Variants in FAM124B observed in about 807,000 individuals in gnomAD.
FAM124B encodes family with sequence similarity 124 member B, also known as protein FAM124B.
FAM124B carries 18 observed loss-of-function variants against 19.7 expected under a neutral mutation model. The ratio of observed to expected loss-of-function variants is 0.92; its 90% CI spans 0.63 to 1.36. The LOEUF (loss-of-function observed/expected upper bound fraction) is 1.36. Among genes scored for constraint, FAM124B ranks in the 40% most tolerant of loss-of-function variants. The pLI is 0.00. For synonymous variants in FAM124B, 223 were observed against 225.2 expected (o/e 0.99, Z 0.09); for missense variants, 540 against 553.3 (o/e 0.98, Z 0.24).
chr2:224,395,067 A>G (rs1383962043), intron 1 of FAM124B, among the ~76,000 whole-genome samples: 1 of 152,168 alleles, frequency 6.6e-6, no homozygotes, highest in Non-Finnish European at 1.5e-5. Flanking sequence ...TAATTTATAA[A>G]GTTTGCCTAC....
Position 224,400,929 on chromosome 2 carries a change from G to A in FAM124B, c.732+108C>T, listed in dbSNP as rs564898342. 1.5e-5 allele frequency: 21 copies of A among 1,393,260 alleles called. No homozygotes were observed. In the South Asian group the frequency reaches 2.9e-4, roughly 19 times the overall value. 86.3% of individuals were successfully genotyped at this position (1,393,260 alleles called of 1,614,324 possible). A position where few individuals can be genotyped will look rare whatever the true frequency, so the allele number is the denominator to read the frequency against. Reference sequence around the variant, plus strand: ...GTGGGAATTTATGAAAGACCCTAAGGGACGCTAATATGCAACCAAGTCTGA... The same window carrying A: ...GTGGGAATTTATGAAAGACCCTAAGAGACGCTAATATGCAACCAAGTCTGA... On this transcript the variant is annotated intron_variant, in intron 1 of 1. Transcript: ENST00000409685.
At position 224,401,846 on chromosome 2, in the gene FAM124B, C is replaced by T. The variant is rs1041365009; in HGVS notation, c.-78G>A. On this transcript the variant is annotated 5_prime_UTR_variant, in exon 1 of 2. Transcript: ENST00000409685. ...CAAGTTTCTGAAATGAATGAAGAAGCGGCCCAGCCTTCAGCCCGCCTGAAA... is the reference window on the plus strand; with the variant it reads ...CAAGTTTCTGAAATGAATGAAGAAGTGGCCCAGCCTTCAGCCCGCCTGAAA... The T allele has an allele frequency of 2.7e-5, 40 of 1,506,944 alleles. No homozygotes were observed. In the East Asian group the frequency reaches 3.4e-4, roughly 13 times the overall value. 93.3% of individuals were successfully genotyped at this position (1,506,944 alleles called of 1,614,324 possible). A position where few individuals can be genotyped will look rare whatever the true frequency, so the allele number is the denominator to read the frequency against.
chr2:224,399,486 G>A (rs772025400), intron 1 of FAM124B: 2 of 152,186 alleles, frequency 1.3e-5, no homozygotes, highest in Non-Finnish European at 1.5e-5. Flanking sequence ...ATCTCATCTT[G>A]TAGTCTCTTA....
At chr2:224,388,555 C>G (rs1324172525) in intron 1 of FAM124B, among the ~76,000 whole-genome samples, 6 of 151,928 alleles carry the variant, frequency 3.9e-5, no homozygotes, top group Admixed American at 3.3e-4. Context: ...ATCGAGGTTA[C>G]CAAGGGCAGG....
chr2:224,385,622 C>A (rs972798312), intron 1 of FAM124B, among the ~76,000 whole-genome samples: 4 of 152,194 alleles, frequency 2.6e-5, no homozygotes, highest in African/African-American at 4.8e-5. Context: ...TATCCAACTG[C>A]CTTCTAGCCA....
At chr2:224,383,551 A>G (rs1030037167) in intron 1 of FAM124B, among the ~76,000 whole-genome samples, 2 of 152,102 alleles carry the variant, frequency 1.3e-5, no homozygotes, top group Non-Finnish European at 2.9e-5. Context: ...TAAAAGTAGT[A>G]ATTTATCACC....
At chr2:224,399,687 C>T (rs1690031578) in intron 1 of FAM124B, 1 of 152,024 alleles carries the variant, frequency 6.6e-6, no homozygotes, top group Non-Finnish European at 1.5e-5. Context: ...ATAACTGACC[C>T]CCTGGAAAGC....
At chr2:224,390,935 C>T (rs1425376093) in intron 1 of FAM124B, among the ~76,000 whole-genome samples, 1 of 151,304 alleles carries the variant, frequency 6.6e-6, no homozygotes, top group Non-Finnish European at 1.5e-5. Flanking sequence ...GATCTCCTGA[C>T]CTCGTGATCC....
intron 1 of FAM124B, 129 bp downstream of exon 1, chr2:224,400,908 G>C: frequency 2.0e-5 from 25 of 1,256,714 alleles, no homozygotes; most frequent in Non-Finnish European, 2.5e-5. Flanking sequence ...CCTGGGGTGG[G>C]AATTTATGAA....
chr2:224,386,832 C>T (rs1329485435), intron 1 of FAM124B, among the ~76,000 whole-genome samples: 1 of 152,304 alleles, frequency 6.6e-6, no homozygotes, highest in East Asian at 1.9e-4. Context: ...AATTTTTGCA[C>T]ATAGAAATGA....
At chr2:224,387,484 G>A (rs1211428214) in intron 1 of FAM124B, among the ~76,000 whole-genome samples, 12 of 152,140 alleles carry the variant, frequency 7.9e-5, no homozygotes, top group Non-Finnish European at 1.5e-5. Context: ...AAACAATTTA[G>A]GTAAATAATA....
Position 224,401,191 on chromosome 2 carries a change from G to C in FAM124B, c.578C>G (p.Pro193Arg). The C allele has an allele frequency of 1.2e-6, 2 of 1,614,116 alleles. No individual in the cohort carries two copies. Among genetic ancestry groups the C allele is most frequent in the Non-Finnish European group, 1.7e-6 (2 of 1,180,024 alleles). The change falls in exon 1 of 2, where the codon CCG becomes CGG. Residue 193 changes from proline (P) to arginine (R), a missense_variant. Physicochemically the swap from Pro to Arg is moderately radical, Grantham distance 103. Coordinates refer to ENST00000409685, the MANE Select transcript of FAM124B (RefSeq NM_001122779.2). ...CTCTTTGGGGTCCACTGACATTCCC[G>C]GGGGCAGCTGCTTCAGGGAGAGCTG... ...ALQLSLKQLP[P>R]GMSVDPKESS...
rs375567669 is a variant in FAM124B at position 224,380,308 on chromosome 2, T to G, written c.733-100A>C. ...TTCACCCTCTGCCATGCCATGCCCA[T>G]AGCAGACTTTCAGTAAATTTGGTTG... On this transcript the variant is annotated intron_variant, in intron 1 of 1. Coordinates refer to ENST00000409685, the MANE Select transcript of FAM124B (RefSeq NM_001122779.2). 1.0e-5 allele frequency: 11 copies of G among 1,066,082 alleles called. No homozygotes were observed. The African/African-American group carries it at 1.1e-4, about 11-fold the overall frequency. The allele number at this position is 1,066,082 out of a possible 1,614,324, so 66.0% of individuals were successfully genotyped here.
Position 224,379,955 on chromosome 2 carries a change from C to T in FAM124B, c.986G>A (p.Gly329Asp), listed in dbSNP as rs528576770. ...ATGAGAAGACAGGTGCAGGTGGGCA[C>T]CCATAGCTGGGCTGCTGACCTGGAA... ...RSFQVSSPAMGAHLHLSSHHL... is the reference protein window; with the variant it reads ...RSFQVSSPAMDAHLHLSSHHL... Residue 329 changes from glycine to aspartate, a missense_variant, in exon 2 of 2, where the codon GGT becomes GAT. Physicochemically the swap from Gly to Asp is moderately conservative, Grantham distance 94. Transcript: ENST00000409685. The T allele has an allele frequency of 1.3e-6, 2 of 1,551,752 alleles. No individual in the cohort carries two copies. Among genetic ancestry groups the T allele is most frequent in the South Asian group, 2.4e-5 (2 of 84,064 alleles).
At chr2:224,385,814 G>A (rs1179592257) in intron 1 of FAM124B, among the ~76,000 whole-genome samples, 5 of 152,040 alleles carry the variant, frequency 3.3e-5, no homozygotes, top group African/African-American at 1.2e-4. Context: ...CCATCCACCC[G>A]TCCCCATGGA....
Position 224,398,289 on chromosome 2 carries a change from G to T in FAM124B, c.732+2748C>A, listed in dbSNP as rs189844671. 2.0e-5 allele frequency among the ~76,000 whole-genome samples: 3 copies of T among 152,176 alleles called. No homozygotes were observed. In the East Asian group the frequency reaches 5.8e-4, roughly 29 times the overall value. On this transcript the variant is annotated intron_variant, in intron 1 of 1. Coordinates refer to ENST00000409685, the MANE Select transcript of FAM124B (RefSeq NM_001122779.2). ...GTTTTTGTATTTTCAGTAGACAGGG[G>T]GATTTACCATGTTGGCCAGGCTGGT...
At chr2:224,391,834 C>T (rs1224521286) in intron 1 of FAM124B, among the ~76,000 whole-genome samples, 1 of 152,168 alleles carries the variant, frequency 6.6e-6, no homozygotes, top group African/African-American at 2.4e-5. Flanking sequence ...AACAACACAA[C>T]ACAGTGGCTG....
chr2:224,397,862 C>A (rs1375157404), intron 1 of FAM124B, among the ~76,000 whole-genome samples: 1 of 152,162 alleles, frequency 6.6e-6, no homozygotes, highest in Non-Finnish European at 1.5e-5. Flanking sequence ...CTATTTAAGG[C>A]ATGAGTGAAC....
At chr2:224,400,939 A>G in intron 1 of FAM124B, 98 bp downstream of exon 1, 2 of 1,450,776 alleles carry the variant, frequency 1.4e-6, no homozygotes, top group Non-Finnish European at 1.8e-6. Flanking sequence ...GGACGCTAAT[A>G]TGCAACCAAG....
Sources: allele counts gnomAD v4.1 joint callset (sites outside exome capture counted in the v4.1 genomes callset), GRCh38; gene constraint gnomAD v4.1.1; transcripts MANE v1.5; gene names NCBI Gene and HGNC (gene_info 2026-07-23, HGNC 2026-07-21).